Variants in MSRA observed in about 807,000 individuals in gnomAD.
The protein encoded by MSRA is mitochondrial peptide methionine sulfoxide reductase.
A neutral mutation model predicts 31.3 loss-of-function variants in MSRA; 54 were observed. The ratio of observed to expected loss-of-function variants is 1.73; its 90% CI spans 1.39 to 2.17. The LOEUF is 2.17. MSRA is among the 30% of genes most tolerant of loss of function. The pLI is 0.00. For synonymous variants in MSRA, 169 were observed against 116.5 expected (o/e 1.45, Z -2.90); for missense variants, 507 against 300.9 (o/e 1.69, Z -5.07).
intron 1 of MSRA, among the ~76,000 whole-genome samples, chr8:10,108,845 C>T (rs1362678294): frequency 6.6e-6 from 1 of 152,006 alleles, no homozygotes; most frequent in Non-Finnish European, 1.5e-5. Context: ...ACTCCTTTTA[C>T]CTCAACATAA....
intron 1 of MSRA, among the ~76,000 whole-genome samples, chr8:10,062,960 T>G (rs949497797): frequency 2.0e-5 from 3 of 151,964 alleles, no homozygotes; most frequent in Non-Finnish European, 2.9e-5. Context: ...AGGGTAAGAG[T>G]CTGGCCATGG....
intron 1 of MSRA, among the ~76,000 whole-genome samples, chr8:10,087,548 C>G (rs1798627450): frequency 1.3e-5 from 2 of 152,170 alleles, no homozygotes; most frequent in Admixed American, 6.5e-5. Context: ...CTCTAAGGAT[C>G]TAAATTTCCA....
intron 2 of MSRA, among the ~76,000 whole-genome samples, chr8:10,213,825 C>T (rs1025367584): frequency 6.6e-6 from 1 of 152,122 alleles, no homozygotes; most frequent in African/African-American, 2.4e-5. Context: ...CTGATTTCCT[C>T]TCTTTTGGGT....
intron 4 of MSRA, among the ~76,000 whole-genome samples, chr8:10,305,984 C>T (rs566876825): frequency 6.6e-6 from 1 of 152,338 alleles, no homozygotes; most frequent in South Asian, 2.1e-4. Flanking sequence ...TTGAATCCCA[C>T]TGTTTAAGCC....
chr8:10,209,837 CAT>C (rs1349329230), intron 2 of MSRA, among the ~76,000 whole-genome samples: 1 of 152,212 alleles, frequency 6.6e-6, no homozygotes, highest in East Asian at 1.9e-4. Context: ...AGAGATGAAT[CAT>C]GTGCATAATT....
chr8:10,209,300 C>G (rs1015563871), intron 2 of MSRA, among the ~76,000 whole-genome samples: 1 of 152,182 alleles, frequency 6.6e-6, no homozygotes, highest in Non-Finnish European at 1.5e-5. Context: ...TTTCCAGTCT[C>G]TCAGATTCGC....
Position 10,268,004 on chromosome 8 carries a change from G to T in MSRA, c.331+22781G>T, listed in dbSNP as rs114674239. On this transcript the variant is annotated intron_variant, in intron 3 of 5. Coordinates refer to ENST00000317173, the MANE Select transcript of MSRA (RefSeq NM_012331.5). ...ATATTTCCCTCATTGCATGTCCTGC[G>T]TCACAATGATGGCTTTGCTCCCTGC... is the stretch of plus-strand genomic sequence containing the variant. Among the ~76,000 whole-genome samples, 613 of 152,224 alleles carry T rather than the reference G, an allele frequency of 4.0e-3. 5 individuals are homozygous for T. The highest frequency in any genetic ancestry group is 0.014 in the African/African-American group (589 of 41,536).
chr8:10,399,709 G>A (rs1163613430), intron 5 of MSRA, among the ~76,000 whole-genome samples: 1 of 152,144 alleles, frequency 6.6e-6, no homozygotes, highest in Admixed American at 6.5e-5. Context: ...CTTCCCTGTA[G>A]CCCTATATAG....
chr8:10,153,255 G>C (rs4498546), intron 1 of MSRA, among the ~76,000 whole-genome samples: 34,769 of 152,042 alleles, frequency 0.23, 4,188 homozygotes, highest in East Asian at 0.41. Flanking sequence ...CCGTTGTCTG[G>C]GGGGAGCATG....
At chr8:10,293,191 A>G (rs1354649400) in intron 3 of MSRA, among the ~76,000 whole-genome samples, 5 of 152,166 alleles carry the variant, frequency 3.3e-5, no homozygotes, top group Admixed American at 6.5e-5. Flanking sequence ...CTGAAGGCAG[A>G]GTCTGAGGTT....
chr8:10,112,284 T>C (rs950580738), intron 1 of MSRA, among the ~76,000 whole-genome samples: 7 of 152,226 alleles, frequency 4.6e-5, no homozygotes, highest in Middle Eastern at 3.2e-3. Context: ...ACCATCTTGA[T>C]AGATATGCAA....
At chr8:10,174,651 A>T (rs1479159309) in intron 1 of MSRA, among the ~76,000 whole-genome samples, 1 of 151,974 alleles carries the variant, frequency 6.6e-6, no homozygotes, top group Non-Finnish European at 1.5e-5. Flanking sequence ...CAGACTCCCC[A>T]GCCTGTCTGC....
At chr8:10,243,616 A>C (rs949500602) in intron 2 of MSRA, among the ~76,000 whole-genome samples, 1 of 152,138 alleles carries the variant, frequency 6.6e-6, no homozygotes, top group African/African-American at 2.4e-5. Flanking sequence ...TTTATTCTTA[A>C]AGTAATAGGA....
rs192606414 is a variant in MSRA, at chr8:10,248,305, A to G, written c.331+3082A>G. Among the ~76,000 whole-genome samples, 15 of 152,338 alleles carry G rather than the reference A, an allele frequency of 9.8e-5. No homozygotes were observed. The East Asian group carries it at 2.9e-3, about 29-fold the overall frequency. On this transcript the variant is annotated intron_variant, in intron 3 of 5. Coordinates refer to ENST00000317173, the MANE Select transcript of MSRA (RefSeq NM_012331.5). ...GGATTGTGTGCAGATTCCTTCTCTC[A>G]TAAAGCGGTATGCTTGAGCTTAAGG...
rs1352176571 is a variant in MSRA at position 10,415,086 on chromosome 8, G to T, written c.544-13062G>T. On this transcript the variant is annotated intron_variant, in intron 5 of 5. Coordinates refer to ENST00000317173, the MANE Select transcript of MSRA (RefSeq NM_012331.5). ...GAGGGAAACCATCCTGCGGGTGGAG[G>T]GTGCACTGTCTGAGCCAGAGCAAAT... Among the ~76,000 whole-genome samples, 3 of 152,158 alleles carry T rather than the reference G, an allele frequency of 2.0e-5. 1 individual carries two copies. The highest frequency in any genetic ancestry group is 4.4e-5 in the Non-Finnish European group (3 of 68,026).
intron 5 of MSRA, among the ~76,000 whole-genome samples, chr8:10,416,840 C>T (rs767208226): frequency 3.0e-4 from 46 of 152,250 alleles, no homozygotes; most frequent in Non-Finnish European, 2.6e-4. Flanking sequence ...GAAACAAACT[C>T]ATTCCTTCCT....
chr8:10,377,398 CTT>C (rs1329160159), intron 5 of MSRA, among the ~76,000 whole-genome samples: 1 of 152,232 alleles, frequency 6.6e-6, no homozygotes, highest in African/African-American at 2.4e-5. Context: ...TAGTAGCAGT[CTT>C]TTTCCATTAG....
At chr8:10,303,650 C>G (rs1285513240) in intron 4 of MSRA, among the ~76,000 whole-genome samples, 1 of 152,152 alleles carries the variant, frequency 6.6e-6, no homozygotes, top group Non-Finnish European at 1.5e-5. Flanking sequence ...TCTGTGGTCC[C>G]CACCCTTCTG....
At chr8:10,178,879 G>C (rs909005049) in intron 1 of MSRA, among the ~76,000 whole-genome samples, 52 of 152,190 alleles carry the variant, frequency 3.4e-4, no homozygotes, top group African/African-American at 1.1e-3. Flanking sequence ...CAGAATCTCA[G>C]ACCTGCAGCC....
Sources: gnomAD v4.1 joint callset for allele counts (sites outside exome capture counted in the v4.1 genomes callset) on GRCh38, gnomAD v4.1.1 for gene constraint, MANE v1.5 for transcripts, NCBI Gene and HGNC (gene_info 2026-07-23, HGNC 2026-07-21) for gene names.